GPC6: variants seen among roughly 807,000 people sequenced by gnomAD.
GPC6 encodes the protein glypican-6.
GPC6 carries 14 observed loss-of-function variants against 55.2 expected under a neutral mutation model. The observed-to-expected ratio is 0.25, with a 90% confidence interval of 0.17 to 0.40. GPC6 has a LOEUF of 0.40. Ranked by LOEUF, GPC6 falls within the 10% of genes least tolerant of loss-of-function variation. The pLI is 1.00. For missense variants in GPC6, 641 were observed against 708.5 expected (o/e 0.90, Z 1.08); for synonymous variants, 278 against 259.6 (o/e 1.07, Z -0.68).
chr13:93,585,615 T>C (rs1333864375), intron 2 of GPC6, among the ~76,000 whole-genome samples: 1 of 152,216 alleles, frequency 6.6e-6, no homozygotes, highest in African/African-American at 2.4e-5. Flanking sequence ...CTTCAGTAAT[T>C]AATCTTAAAA....
intron 1 of GPC6, among the ~76,000 whole-genome samples, chr13:93,324,040 C>G (rs918703092): frequency 6.6e-6 from 1 of 152,064 alleles, no homozygotes; most frequent in African/African-American, 2.4e-5. Flanking sequence ...TGGAAGCAAC[C>G]TAAGTGTCCA....
At chr13:93,467,655 A>ACT (rs1001661178) in intron 1 of GPC6, among the ~76,000 whole-genome samples, 1 of 139,020 alleles carries the variant, frequency 7.2e-6, no homozygotes, top group Non-Finnish European at 1.5e-5. Flanking sequence ...GATCACAATG[A>ACT]CTCACTGCAG....
chr13:94,268,426 C>T (rs1891882169), intron 4 of GPC6, among the ~76,000 whole-genome samples: 1 of 152,074 alleles, frequency 6.6e-6, no homozygotes, highest in African/African-American at 2.4e-5. Context: ...TTAGAATAAT[C>T]TTTTAGCCTG....
intron 2 of GPC6, among the ~76,000 whole-genome samples, chr13:93,614,214 A>C (rs1462013660): frequency 2.0e-5 from 3 of 152,238 alleles, no homozygotes; most frequent in African/African-American, 7.2e-5. Flanking sequence ...ACTGTGTATT[A>C]CTCCTCAAAA....
At chr13:93,759,544 T>C (rs1884889092) in intron 2 of GPC6, among the ~76,000 whole-genome samples, 1 of 152,218 alleles carries the variant, frequency 6.6e-6, no homozygotes, top group South Asian at 2.1e-4. Flanking sequence ...ATATAGCTTC[T>C]TGTTTTCCTA....
At chr13:93,928,903 T>A (rs919662591) in intron 3 of GPC6, among the ~76,000 whole-genome samples, 7 of 123,260 alleles carry the variant, frequency 5.7e-5, no homozygotes. Flanking sequence ...ATCTATATAG[T>A]AGGTGTGTGT....
At chr13:94,173,667 C>T (rs1014523871) in intron 4 of GPC6, among the ~76,000 whole-genome samples, 1 of 152,040 alleles carries the variant, frequency 6.6e-6, no homozygotes, top group Non-Finnish European at 1.5e-5. Context: ...AAGGTGGAGC[C>T]CGAACTCAAG....
intron 4 of GPC6, among the ~76,000 whole-genome samples, chr13:94,183,167 T>G (rs535946407): frequency 6.6e-6 from 1 of 152,334 alleles, no homozygotes; most frequent in South Asian, 2.1e-4. Flanking sequence ...AAATGTTTCA[T>G]TGACCAAAAC....
At chr13:93,924,919 A>G (rs1258331866) in intron 3 of GPC6, among the ~76,000 whole-genome samples, 3 of 152,220 alleles carry the variant, frequency 2.0e-5, no homozygotes, top group African/African-American at 7.2e-5. Context: ...TGGCTACATT[A>G]AGCTCATTAA....
intron 4 of GPC6, among the ~76,000 whole-genome samples, chr13:94,065,770 A>G (rs960331667): frequency 3.9e-5 from 6 of 152,148 alleles, no homozygotes; most frequent in Admixed American, 3.9e-4. Context: ...TTCTCTGTAT[A>G]ATTAAGTAAT....
rs115256695 is a variant in GPC6, at chr13:93,933,303, A to G, written c.712-94426A>G. Among the ~76,000 whole-genome samples the G allele has an allele frequency of 7.1e-4, 108 of 152,248 alleles. 2 individuals are homozygous for G. The highest frequency in any genetic ancestry group is 3.4e-3 in the Middle Eastern group (1 of 294). On this transcript the variant is annotated intron_variant, in intron 3 of 8. Coordinates refer to ENST00000377047, the MANE Select transcript of GPC6 (RefSeq NM_005708.5). ...TGGCGTCTACTTAGTAGAGGCCAAG[A>G]ATTCTGCCAAACATTCTACAATGCT...
chr13:93,750,796 G>T (rs770671443), intron 2 of GPC6, among the ~76,000 whole-genome samples: 2 of 152,190 alleles, frequency 1.3e-5, no homozygotes, highest in Non-Finnish European at 2.9e-5. Context: ...CCAGGCATTT[G>T]GTAGCTGCTT....
At chr13:94,175,937 C>CATATAT (rs377560714) in intron 4 of GPC6, among the ~76,000 whole-genome samples, 5,012 of 127,636 alleles carry the variant, frequency 0.039, 157 homozygotes, top group Non-Finnish European at 0.054. Context: ...CCAAATGAGC[C>CATATAT]ATATATATAT....
At chr13:93,820,847 G>A (rs7999251) in intron 2 of GPC6, among the ~76,000 whole-genome samples, 58,455 of 151,704 alleles carry the variant, frequency 0.39, 12,254 homozygotes, top group African/African-American at 0.54. Flanking sequence ...ACATGATTGA[G>A]GGAGTTACTT....
At chr13:94,163,373 A>T (rs1389926064) in intron 4 of GPC6, among the ~76,000 whole-genome samples, 1 of 152,002 alleles carries the variant, frequency 6.6e-6, no homozygotes, top group East Asian at 1.9e-4. Flanking sequence ...GATTTTTTTC[A>T]AGCAAGTCTC....
At chr13:93,336,506 G>A (rs765383000) in intron 1 of GPC6, among the ~76,000 whole-genome samples, 1 of 152,074 alleles carries the variant, frequency 6.6e-6, no homozygotes, top group Non-Finnish European at 1.5e-5. Flanking sequence ...AGAAAGGCAG[G>A]GTGCTTTTAT....
chr13:93,633,843 T>G (rs1010477187), intron 2 of GPC6, among the ~76,000 whole-genome samples: 1 of 152,130 alleles, frequency 6.6e-6, no homozygotes, highest in Non-Finnish European at 1.5e-5. Flanking sequence ...CCACTGCTAA[T>G]TTATATAGTA....
chr13:94,175,044 T>A (rs531614275), intron 4 of GPC6, among the ~76,000 whole-genome samples: 1 of 152,262 alleles, frequency 6.6e-6, no homozygotes, highest in South Asian at 2.1e-4. Flanking sequence ...TTCAGATTTC[T>A]AACACCATCA....
chr13:93,868,318 C>T (rs970220016), intron 3 of GPC6, among the ~76,000 whole-genome samples: 3 of 151,696 alleles, frequency 2.0e-5, no homozygotes, highest in African/African-American at 7.3e-5. Flanking sequence ...TCCTAATAGC[C>T]TATATTATAA....
Sources: allele counts gnomAD v4.1 joint callset (sites outside exome capture counted in the v4.1 genomes callset), GRCh38; gene constraint gnomAD v4.1.1; transcripts MANE v1.5; gene names NCBI Gene and HGNC (gene_info 2026-07-23, HGNC 2026-07-21).